PDZRN3: variants seen among roughly 807,000 people sequenced by gnomAD.
PDZRN3 encodes PDZ domain containing ring finger 3, also known as E3 ubiquitin-protein ligase PDZRN3.
In PDZRN3, 38 loss-of-function variants were observed where a neutral mutation model predicts 85.7. The observed-to-expected ratio is 0.44, with a 90% CI of 0.34 to 0.58. The LOEUF is 0.58. Ranked by LOEUF, PDZRN3 falls within the 20% of genes least tolerant of loss-of-function variation. PDZRN3 has a pLI of 0.01. For synonymous variants in PDZRN3, 759 were observed against 638.0 expected, an observed-to-expected ratio of 1.19 and a Z score of -2.86; for missense variants, 1,629 against 1,506.4, an observed-to-expected ratio of 1.08 and a Z score of -1.35.
chr3:73,600,798 A>T (rs1035285483), intron 3 of PDZRN3, among the ~76,000 whole-genome samples: 1 of 152,206 alleles, frequency 6.6e-6, no homozygotes, highest in Non-Finnish European at 1.5e-5. Flanking sequence ...AGTCTCAGAA[A>T]ATGTATTCAC....
intron 7 of PDZRN3, 137 bp downstream of exon 7, chr3:73,389,679 G>T (rs915416777): frequency 1.9e-5 from 13 of 675,812 alleles, no homozygotes; most frequent in Non-Finnish European, 3.0e-5. Flanking sequence ...TAACTTGTCT[G>T]GCCTCACTAC....
In PDZRN3 at chr3:73,429,061, G is replaced by C. The variant is rs113688455; in HGVS notation, c.919-24666C>G. Among the ~76,000 whole-genome samples the C allele has an allele frequency of 4.6e-3, 700 of 152,126 alleles. 10 individuals carry two copies. Among genetic ancestry groups the C allele is most frequent in the African/African-American group, 0.015 (637 of 41,500 alleles). On this transcript the variant is annotated intron_variant, in intron 3 of 9. Coordinates refer to ENST00000263666, the MANE Select transcript of PDZRN3 (RefSeq NM_015009.3). ...CTACAGGCATGCACCATCATGCCTGGCTAAGTTAAATTTCTTTCTTTTTTT... is the reference window on the plus strand; with the variant it reads ...CTACAGGCATGCACCATCATGCCTGCCTAAGTTAAATTTCTTTCTTTTTTT...
chr3:73,620,818 C>T (rs572162358), intron 1 of PDZRN3, among the ~76,000 whole-genome samples: 21 of 152,132 alleles, frequency 1.4e-4, no homozygotes, highest in East Asian at 5.8e-4. Context: ...TCTCGTGATC[C>T]GCCTGCCTCG....
intron 3 of PDZRN3, among the ~76,000 whole-genome samples, chr3:73,516,226 C>T (rs1704253524): frequency 1.3e-5 from 2 of 152,214 alleles, no homozygotes; most frequent in African/African-American, 2.4e-5. Context: ...TCTTGGCACA[C>T]TCTTTTGTGA....
chr3:73,419,288 T>C (rs192814909), intron 3 of PDZRN3, among the ~76,000 whole-genome samples: 1 of 152,262 alleles, frequency 6.6e-6, no homozygotes, highest in African/African-American at 2.4e-5. Flanking sequence ...AAAAAGGATG[T>C]TAACAAGTTT....
At chr3:73,547,083 AC>A (rs1193632791) in intron 3 of PDZRN3, among the ~76,000 whole-genome samples, 1 of 151,974 alleles carries the variant, frequency 6.6e-6, no homozygotes, top group Non-Finnish European at 1.5e-5. Context: ...AATTCCTTCC[AC>A]CCCACTCACG....
At position 73,602,361 on chromosome 3, in the gene PDZRN3, A is replaced by C. The variant is rs1702527840; in HGVS notation, c.911T>G (p.Ile304Ser). ...KEGGLQIHDR[I>S]IEVNGRDLSR... ...TGGCCAGTATTCACATACCTCAATA[A>C]TCCTGTCATGAATTTGCAGGCCTCC... is the stretch of plus-strand genomic sequence containing the variant. Residue 304 changes from isoleucine (I) to serine (S), a missense_variant, in exon 3 of 10, where the codon ATT (isoleucine) becomes AGT (serine). Coordinates refer to ENST00000263666, the MANE Select transcript of PDZRN3 (RefSeq NM_015009.3). 6.4e-7 allele frequency: 1 copy of C among 1,554,044 alleles called. No homozygotes were observed. Among genetic ancestry groups the C allele is most frequent in the Non-Finnish European group, 8.9e-7 (1 of 1,125,448 alleles).
intron 3 of PDZRN3, among the ~76,000 whole-genome samples, chr3:73,436,064 A>C (rs1371618871): frequency 6.6e-6 from 1 of 151,460 alleles, no homozygotes; most frequent in African/African-American, 2.4e-5. Context: ...TCCAACCCCC[A>C]TCCCCATCTC....
chr3:73,510,779 A>G (rs1704149436), intron 3 of PDZRN3, among the ~76,000 whole-genome samples: 1 of 152,236 alleles, frequency 6.6e-6, no homozygotes, highest in South Asian at 2.1e-4. Flanking sequence ...ATAAATACAT[A>G]TGATAAAGTT....
chr3:73,600,440 T>A (rs1702500305), intron 3 of PDZRN3, among the ~76,000 whole-genome samples: 1 of 151,336 alleles, frequency 6.6e-6, no homozygotes, highest in South Asian at 2.1e-4. Flanking sequence ...ATATTTTCAG[T>A]CATGGGAATC....
chr3:73,431,291 T>C lies in PDZRN3; in HGVS notation c.919-26896A>G, dbSNP rs145842601. ...TGTGTGCAACAAGAGGCAAAGCCAT[T>C]GTTCTGCATCATTAAGCTCACAGCA... On this transcript the variant is annotated intron_variant, in intron 3 of 9. Coordinates refer to ENST00000263666, the MANE Select transcript of PDZRN3 (RefSeq NM_015009.3). Among the ~76,000 whole-genome samples the C allele has an allele frequency of 2.3e-3, 358 of 152,348 alleles. 1 individual carries two copies. The highest frequency in any genetic ancestry group is 3.9e-3 in the Non-Finnish European group (268 of 68,038).
At chr3:73,530,635 C>A (rs937900082) in intron 3 of PDZRN3, among the ~76,000 whole-genome samples, 2 of 138,036 alleles carry the variant, frequency 1.4e-5, no homozygotes, top group African/African-American at 5.7e-5. Context: ...GAGAACAATG[C>A]AGATCAAATG....
At chr3:73,569,660 C>G in intron 3 of PDZRN3, 2 of 772,984 alleles carry the variant, frequency 2.6e-6, no homozygotes, top group Non-Finnish European at 3.1e-6. Context: ...GGTTACCTTT[C>G]TCTTCCTCCC....
intron 5 of PDZRN3, among the ~76,000 whole-genome samples, chr3:73,399,611 T>C (rs1319672542): frequency 6.6e-6 from 1 of 152,268 alleles, no homozygotes; most frequent in Non-Finnish European, 1.5e-5. Context: ...GCTGGGGTGA[T>C]AGGACACTAA....
chr3:73,501,497 A>C (rs985604496), intron 3 of PDZRN3, among the ~76,000 whole-genome samples: 2 of 152,146 alleles, frequency 1.3e-5, no homozygotes, highest in Admixed American at 6.5e-5. Flanking sequence ...ACGACTCCTA[A>C]CGATTCGACT....
At chr3:73,612,539 A>G (rs1374559856) in intron 1 of PDZRN3, among the ~76,000 whole-genome samples, 11 of 152,260 alleles carry the variant, frequency 7.2e-5, no homozygotes, top group Admixed American at 6.5e-4. Flanking sequence ...TGACAGGAGC[A>G]GCATAATGGT....
intron 3 of PDZRN3, among the ~76,000 whole-genome samples, chr3:73,505,965 C>A (rs1257866046): frequency 1.3e-5 from 2 of 152,082 alleles, no homozygotes; most frequent in South Asian, 2.1e-4. Flanking sequence ...GACAAGTATC[C>A]CCCCTAAGAC....
intron 3 of PDZRN3, among the ~76,000 whole-genome samples, chr3:73,598,162 C>A (rs1300941145): frequency 6.6e-6 from 1 of 152,000 alleles, no homozygotes; most frequent in African/African-American, 2.4e-5. Context: ...AGTTGGATAA[C>A]CCACACTTTG....
At chr3:73,408,100 A>C (rs1273088385) in intron 3 of PDZRN3, 1 of 699,296 alleles carries the variant, frequency 1.4e-6, no homozygotes, top group African/African-American at 1.8e-5. Flanking sequence ...TTTCAATCAA[A>C]TACAGTTCAA....
Sources: gnomAD v4.1 joint callset for allele counts (sites outside exome capture counted in the v4.1 genomes callset) on GRCh38, gnomAD v4.1.1 for gene constraint, MANE v1.5 for transcripts, NCBI Gene and HGNC (gene_info 2026-07-23, HGNC 2026-07-21) for gene names.